Variants in C1orf105 observed in about 807,000 individuals in gnomAD.
The protein encoded by C1orf105 is chromosome 1 open reading frame 105.
Under a neutral mutation model 20.8 loss-of-function variants are expected in C1orf105, and 17 were observed. The ratio of observed to expected loss-of-function variants is 0.82; its 90% CI spans 0.56 to 1.23. C1orf105 has a LOEUF of 1.23. Among genes scored for constraint, C1orf105 ranks in the 50% most tolerant of loss-of-function variants. C1orf105 has a pLI of 0.00. For synonymous variants in C1orf105, 72 were observed against 72.1 expected, an observed-to-expected ratio of 1.00 and a Z score of 0.01; for missense variants, 219 against 213.5, an observed-to-expected ratio of 1.03 and a Z score of -0.16.
chr1:172,464,474 A>G (rs1455170372), intron 5 of C1orf105, among the ~76,000 whole-genome samples: 1 of 152,252 alleles, frequency 6.6e-6, no homozygotes, highest in African/African-American at 2.4e-5. Context: ...AAACTAATGT[A>G]GAAGAGGTTT....
chr1:172,443,619 GA>G (rs914567916), intron 1 of C1orf105: 11 of 165,166 alleles, frequency 6.7e-5, no homozygotes, highest in Admixed American at 4.6e-4. Context: ...GCAAATTTGA[GA>G]AAAAAAAAAT....
intron 1 of C1orf105, chr1:172,442,885 C>T (rs771386887): frequency 5.1e-6 from 2 of 393,514 alleles, no homozygotes; most frequent in Non-Finnish European, 9.5e-6. Flanking sequence ...AAGAGTAGTA[C>T]TGAGATAAAG....
intron 4 of C1orf105, among the ~76,000 whole-genome samples, chr1:172,457,724 T>C (rs1447577891): frequency 1.3e-5 from 2 of 152,220 alleles, no homozygotes; most frequent in African/African-American, 4.8e-5. Context: ...AGCCATCCTC[T>C]TTCTCAAGAC....
chr1:172,454,238 A>T (rs571795458), intron 3 of C1orf105, among the ~76,000 whole-genome samples: 1 of 151,990 alleles, frequency 6.6e-6, no homozygotes, highest in Non-Finnish European at 1.5e-5. Flanking sequence ...CTTCAGACTG[A>T]GTACAAATTC....
At chr1:172,444,982 ATATGG>A in intron 1 of C1orf105, 86 bp from the exon 2 acceptor site, 1 of 1,001,246 alleles carries the variant, frequency 1.0e-6, no homozygotes, top group Non-Finnish European at 1.5e-6. Context: ...AGTGTTCACT[ATATGG>A]CTGCTATTAG....
intron 4 of C1orf105, among the ~76,000 whole-genome samples, chr1:172,458,174 A>G (rs529205637): frequency 6.6e-6 from 1 of 152,340 alleles, no homozygotes; most frequent in Admixed American, 6.5e-5. Context: ...ACAGGGCAAC[A>G]ATGTCTGCTC....
chr1:172,463,972 T>C (rs1451642917), intron 5 of C1orf105, among the ~76,000 whole-genome samples: 1 of 152,236 alleles, frequency 6.6e-6, no homozygotes, highest in Non-Finnish European at 1.5e-5. Context: ...TCCAAATTTG[T>C]TTCTAGCACT....
In C1orf105 at chr1:172,420,864, A is replaced by G; in HGVS notation, c.-22A>G. 6.2e-7 allele frequency: 1 copy of G among 1,611,482 alleles called. No homozygotes were observed. Among genetic ancestry groups the G allele is most frequent in the East Asian group, 2.2e-5 (1 of 44,830 alleles). On this transcript the variant is annotated 5_prime_UTR_variant, in exon 1 of 7. Transcript: ENST00000367727. ...CCCCAGTCTCCAGCTAGAAAAACTC[A>G]GAACATCTAAAGATCTGAAAGATGG...
chr1:172,433,918 G>A (rs1385709791), intron 1 of C1orf105, among the ~76,000 whole-genome samples: 1 of 152,078 alleles, frequency 6.6e-6, no homozygotes, highest in Non-Finnish European at 1.5e-5. Context: ...GACCTACCAA[G>A]CAAATGGAAA....
chr1:172,426,871 C>T (rs1263856750), intron 1 of C1orf105, among the ~76,000 whole-genome samples: 1 of 152,114 alleles, frequency 6.6e-6, no homozygotes, highest in East Asian at 1.9e-4. Context: ...TCTCCCTTGC[C>T]CTTCTCTCAA....
At chr1:172,465,183 TCAATAATAA>T (rs1275872007) in intron 5 of C1orf105, 107 bp from the exon 6 acceptor site, 1 of 383,052 alleles carries the variant, frequency 2.6e-6, no homozygotes, top group Non-Finnish European at 4.1e-6. Context: ...AAACTCCATC[TCAATAATAA>T]TAATAAATAA....
intron 3 of C1orf105, among the ~76,000 whole-genome samples, chr1:172,456,124 C>G (rs1379886122): frequency 6.6e-6 from 1 of 152,028 alleles, no homozygotes. Flanking sequence ...ATTTCAGGCC[C>G]CAGCCATCTC....
In C1orf105 at chr1:172,468,827, G is replaced by A; in HGVS notation, c.*233G>A. The A allele has an allele frequency of 2.8e-6, 1 of 351,730 alleles. No individual in the cohort carries two copies. Among genetic ancestry groups the A allele is most frequent in the East Asian group, 4.6e-5 (1 of 21,946 alleles). 21.8% of individuals were successfully genotyped at this position (351,730 alleles called of 1,614,324 possible). On this transcript the variant is annotated 3_prime_UTR_variant, in exon 7 of 7. Transcript: ENST00000367727. ...TTATAAAGATCTGTTTATGAAAATGGAACATGGTAACTGTCTCTCATTTTA... is the reference window on the plus strand; with the variant it reads ...TTATAAAGATCTGTTTATGAAAATGAAACATGGTAACTGTCTCTCATTTTA...
In C1orf105 at chr1:172,465,418, T is replaced by C. The variant is rs572916348; in HGVS notation, c.406+55T>C. The C allele has an allele frequency of 2.2e-5, 28 of 1,252,742 alleles. No individual in the cohort carries two copies. In the Admixed American group the frequency reaches 4.1e-4, roughly 18 times the overall value. The allele number at this position is 1,252,742 out of a possible 1,614,324, so 77.6% of individuals were successfully genotyped here. On this transcript the variant is annotated intron_variant, in intron 6 of 6. Transcript: ENST00000367727. ...TGAAACACACTAGAAAAAAATGCCA[T>C]AGAATGACAGTCTAATCCCTAAAAT...
At chr1:172,442,322 C>T in intron 1 of C1orf105, 1 of 1,613,300 alleles carries the variant, frequency 6.2e-7, no homozygotes, top group Non-Finnish European at 8.5e-7. Context: ...TCAATGAGAT[C>T]AAACAAAACA....
chr1:172,451,165 CTT>C (rs1648586626), intron 3 of C1orf105: 1 of 152,280 alleles, frequency 6.6e-6, no homozygotes, highest in Non-Finnish European at 1.5e-5. Flanking sequence ...TCTGAAATCT[CTT>C]TGCCCACTTG....
At chr1:172,452,736 A>C in intron 3 of C1orf105, 1 of 976,460 alleles carries the variant, frequency 1.0e-6, no homozygotes, top group Non-Finnish European at 1.2e-6. Context: ...AATCTGCATC[A>C]TACCTTGGCC....
intron 2 of C1orf105, among the ~76,000 whole-genome samples, chr1:172,446,816 C>A (rs1268573044): frequency 6.6e-6 from 1 of 152,150 alleles, no homozygotes; most frequent in Admixed American, 6.5e-5. Flanking sequence ...CTGTTGACAG[C>A]CAACTGGAAA....
At chr1:172,465,936 C>T (rs1320850228) in intron 6 of C1orf105, among the ~76,000 whole-genome samples, 1 of 152,206 alleles carries the variant, frequency 6.6e-6, no homozygotes, top group Non-Finnish European at 1.5e-5. Context: ...TGGAGTGAGC[C>T]ATTATTTGGG....
Sources: gnomAD v4.1 joint callset for allele counts (sites outside exome capture counted in the v4.1 genomes callset) on GRCh38, gnomAD v4.1.1 for gene constraint, MANE v1.5 for transcripts, NCBI Gene and HGNC (gene_info 2026-07-23, HGNC 2026-07-21) for gene names.